COL13A1: variants seen among roughly 807,000 people sequenced by gnomAD.
COL13A1 encodes collagen alpha-1(XIII) chain.
COL13A1 carries 89 observed loss-of-function variants against 130.9 expected under a neutral mutation model. That is an observed-to-expected ratio of 0.68 (90% CI 0.57 to 0.81). The LOEUF is 0.81. Among genes scored for constraint, COL13A1 ranks in the 30% least tolerant of loss-of-function variants. COL13A1 has a pLI of 0.00. For synonymous variants in COL13A1, 402 were observed against 341.6 expected (o/e 1.18, Z -1.95); for missense variants, 879 against 934.6 (o/e 0.94, Z 0.78).
chr10:69,894,504 G>A (rs1423151646), intron 10 of COL13A1, 48 bp from the exon 11 acceptor site: 29 of 1,610,738 alleles, frequency 1.8e-5, no homozygotes, highest in Non-Finnish European at 2.4e-5. Context: ...GTCCCTGATT[G>A]CCTGTCTTCT....
chr10:69,929,081 A>G, intron 28 of COL13A1, 82 bp downstream of exon 28: 1 of 1,123,574 alleles, frequency 8.9e-7, no homozygotes. Flanking sequence ...TGACCCTCTC[A>G]TCTTCCCAGC....
At chr10:69,930,307 A>G in intron 29 of COL13A1, 93 bp from the exon 30 acceptor site, 1 of 1,264,946 alleles carries the variant, frequency 7.9e-7, no homozygotes, top group Non-Finnish European at 1.1e-6. Flanking sequence ...CAAGCACCAA[A>G]GAGCCAAGGC....
intron 2 of COL13A1, 97 bp downstream of exon 2, chr10:69,822,535 C>T (rs890445713): frequency 3.5e-5 from 31 of 887,612 alleles, no homozygotes; most frequent in Non-Finnish European, 4.0e-5. Flanking sequence ...TCACTCAGGC[C>T]GTCACTTTTC....
chr10:69,917,161 T>A, intron 17 of COL13A1, 128 bp from the exon 18 acceptor site: 1 of 1,110,102 alleles, frequency 9.0e-7, no homozygotes, highest in East Asian at 2.6e-5. Flanking sequence ...CAGGGCAGGG[T>A]CCTCAGAGCT....
intron 17 of COL13A1, among the ~76,000 whole-genome samples, chr10:69,907,021 G>A (rs182968067): frequency 1.6e-4 from 24 of 152,236 alleles, no homozygotes; most frequent in African/African-American, 3.1e-4. Context: ...GAGCCACCGC[G>A]CCCAGTTATG....
rs527394981 is a variant in COL13A1 at position 69,889,171 on chromosome 10, C to A, written c.577-243C>A. ...GGGGTCTAGGGAGACTACCCCCACC[C>A]CTGCTCTCTGAAGGGCAGGCAGCTG... On this transcript the variant is annotated intron_variant, in intron 9 of 40. Transcript: ENST00000645393. Among the ~76,000 whole-genome samples, 3 of 152,360 alleles carry A rather than the reference C, an allele frequency of 2.0e-5. No homozygotes were observed. In the South Asian group the frequency reaches 6.2e-4, roughly 32 times the overall value.
At chr10:69,945,032 G>T (rs1466487349) in intron 36 of COL13A1, among the ~76,000 whole-genome samples, 1 of 152,252 alleles carries the variant, frequency 6.6e-6, no homozygotes, top group Non-Finnish European at 1.5e-5. Context: ...CCGAGGGTGA[G>T]GGTGGAGGGT....
At chr10:69,865,600 T>C (rs1482985186) in intron 2 of COL13A1, among the ~76,000 whole-genome samples, 1 of 152,218 alleles carries the variant, frequency 6.6e-6, no homozygotes, top group Non-Finnish European at 1.5e-5. Context: ...GGCACAGCAT[T>C]AGCTCACAAA....
chr10:69,934,445 G>C (rs2066560722), intron 31 of COL13A1, among the ~76,000 whole-genome samples: 1 of 152,260 alleles, frequency 6.6e-6, no homozygotes, highest in Non-Finnish European at 1.5e-5. Context: ...GGGACCTCCT[G>C]TCTGCCCAGT....
chr10:69,844,612 C>T (rs901315346), intron 2 of COL13A1, among the ~76,000 whole-genome samples: 3 of 152,158 alleles, frequency 2.0e-5, no homozygotes, highest in African/African-American at 7.2e-5. Flanking sequence ...CACAAAGTGA[C>T]CCTAGAGAAG....
In COL13A1 at chr10:69,880,504, G is replaced by A; in HGVS notation, c.464G>A (p.Gly155Glu). The change falls in exon 7 of 41, where the codon GGG (glycine) becomes GAG (glutamate). Residue 155 changes from glycine (G) to glutamate (E), a missense_variant and splice_region_variant. Gly to Glu is a moderately conservative substitution (Grantham distance 98, BLOSUM62 -2). Coordinates refer to ENST00000645393, the MANE Select transcript of COL13A1 (RefSeq NM_001368882.1). Reference protein sequence around the residue: ...VGVKGQPGEKGSPGDAGLSII... With the variant: ...VGVKGQPGEKESPGDAGLSII... Reference sequence around the variant, plus strand: ...CTCCCCCTTCCTCTCTCCCCGCAGGGGTCCCCCGGAGACGCTGGGCTGTCC... The same window carrying A: ...CTCCCCCTTCCTCTCTCCCCGCAGGAGTCCCCCGGAGACGCTGGGCTGTCC... 1 of 1,609,274 alleles carries A rather than the reference G, an allele frequency of 6.2e-7. No homozygotes were observed. Among genetic ancestry groups the A allele is most frequent in the Non-Finnish European group, 8.5e-7 (1 of 1,175,930 alleles).
At chr10:69,952,633 C>T (rs1564500856) in intron 38 of COL13A1, among the ~76,000 whole-genome samples, 1 of 152,194 alleles carries the variant, frequency 6.6e-6, no homozygotes, top group Non-Finnish European at 1.5e-5. Context: ...TGGTTCCCTG[C>T]ACCTGCAGCT....
At chr10:69,867,661 G>T (rs1564891617) in intron 2 of COL13A1, 137 bp from the exon 3 acceptor site, 1 of 635,192 alleles carries the variant, frequency 1.6e-6, no homozygotes, top group Middle Eastern at 2.5e-4. Flanking sequence ...GTGAAAGTAG[G>T]CCAGGAAAAG....
chr10:69,932,429 T>A, intron 30 of COL13A1, 131 bp from the exon 31 acceptor site: 1 of 644,282 alleles, frequency 1.6e-6, no homozygotes, highest in Non-Finnish European at 2.9e-6. Context: ...CACCTCCACA[T>A]CCTCCATGGT....
At chr10:69,861,796 TGAGTGCAGGCACA>T (rs777094735) in intron 2 of COL13A1, among the ~76,000 whole-genome samples, 27 of 152,192 alleles carry the variant, frequency 1.8e-4, no homozygotes, top group Non-Finnish European at 3.4e-4. Flanking sequence ...GTGTCAGCCA[TGAGTGCAGGCACA>T]GAGACTGTAG....
In COL13A1 at chr10:69,802,575, C is replaced by T. The variant is rs1282896874; in HGVS notation, c.152C>T (p.Ala51Val). 1.9e-6 allele frequency: 3 copies of T among 1,611,216 alleles called. No individual in the cohort carries two copies. Among genetic ancestry groups the T allele is most frequent in the Admixed American group, 1.7e-5 (1 of 59,920 alleles). ...SPGSCGLLTL[A>V]LCSLALSLLA... Reference sequence around the variant, plus strand: ...GGGTCGTGCGGGCTGCTGACGCTGGCCCTCTGCTCGCTGGCACTCAGCCTG... The same window carrying T: ...GGGTCGTGCGGGCTGCTGACGCTGGTCCTCTGCTCGCTGGCACTCAGCCTG... Residue 51 changes from alanine (A) to valine (V), a missense_variant, in exon 1 of 41, where the codon GCC (alanine) becomes GTC (valine). Ala to Val is a moderately conservative substitution (Grantham distance 64, BLOSUM62 0). Around this residue, in one of 3 missense-constraint regions of COL13A1, gnomAD observed 715 missense variants for 721.0 expected, o/e 0.99. Transcript: ENST00000645393.
chr10:69,810,274 G>C (rs1364422498), intron 1 of COL13A1, among the ~76,000 whole-genome samples: 1 of 151,834 alleles, frequency 6.6e-6, no homozygotes, highest in African/African-American at 2.4e-5. Context: ...CTGTGGGTAG[G>C]GCCTGGCTGT....
chr10:69,875,793 G>C (rs536894486), intron 5 of COL13A1, among the ~76,000 whole-genome samples: 21 of 152,382 alleles, frequency 1.4e-4, no homozygotes, highest in African/African-American at 4.8e-4. Flanking sequence ...TGTCTACAAA[G>C]GGCTATAAAG....
At chr10:69,947,204 G>A (rs2068685611) in intron 37 of COL13A1, 103 bp from the exon 38 acceptor site, 1 of 1,014,796 alleles carries the variant, frequency 9.9e-7, no homozygotes, top group Non-Finnish European at 1.5e-6. Flanking sequence ...CCTGTCTCCA[G>A]TGAGTGAGGC....
Sources: gnomAD v4.1 joint callset for allele counts (sites outside exome capture counted in the v4.1 genomes callset) on GRCh38, gnomAD v4.1.1 for gene constraint, gnomAD v4.1.1 regional missense constraint, MANE v1.5 for transcripts, NCBI Gene and HGNC (gene_info 2026-07-23, HGNC 2026-07-21) for gene names.